The following MREG variants were observed in gnomAD, a reference collection of about 807,000 sequenced individuals.
The protein encoded by MREG is melanoregulin, also known as dilute suppressor protein homolog.
In MREG, 31 loss-of-function variants were observed where a neutral mutation model predicts 28.5. The ratio of observed to expected loss-of-function variants is 1.09; its 90% confidence interval spans 0.82 to 1.47. The LOEUF (loss-of-function observed/expected upper bound fraction) is 1.47, where lower values mean the gene tolerates loss of function less well. MREG is among the 40% of genes most tolerant of loss of function. The probability of loss-of-function intolerance (pLI) is 0.00; values close to 1 mark genes in which losing one functional copy is unlikely to be tolerated. For synonymous variants in MREG, 106 were observed against 95.2 expected (o/e 1.11, Z -0.66); for missense variants, 256 against 257.4 (o/e 0.99, Z 0.04).
At chr2:216,032,486 G>C (rs1395659140) in intron 1 of MREG, among the ~76,000 whole-genome samples, 2 of 152,198 alleles carry the variant, frequency 1.3e-5, no homozygotes, top group African/African-American at 4.8e-5. Context: ...TGACTAACTG[G>C]TAATGCTAAC....
At chr2:216,001,192 C>G (rs1694006285) in intron 1 of MREG, among the ~76,000 whole-genome samples, 1 of 152,212 alleles carries the variant, frequency 6.6e-6, no homozygotes, top group Non-Finnish European at 1.5e-5. Flanking sequence ...AAAACACCAG[C>G]CTCTCGTCCT....
At chr2:215,979,512 T>A (rs1261130659) in intron 2 of MREG, among the ~76,000 whole-genome samples, 1 of 137,644 alleles carries the variant, frequency 7.3e-6, no homozygotes, top group African/African-American at 2.8e-5. Flanking sequence ...ATAATAATAA[T>A]AAAAGGTAAA....
intron 1 of MREG, among the ~76,000 whole-genome samples, chr2:215,998,749 ATTCATTCAT>A (rs137865405): frequency 0.07 from 10,638 of 152,256 alleles, 654 homozygotes; most frequent in East Asian, 0.3. Context: ...AGCATGTCAA[ATTCATTCAT>A]TTCATTCATT....
intron 1 of MREG, among the ~76,000 whole-genome samples, chr2:216,024,396 G>C (rs1694563760): frequency 6.6e-6 from 1 of 151,416 alleles, no homozygotes; most frequent in South Asian, 2.1e-4. Flanking sequence ...AATTAGCCAG[G>C]CATAGATCAC....
At chr2:215,989,332 A>C (rs1286783531) in intron 2 of MREG, among the ~76,000 whole-genome samples, 1 of 152,220 alleles carries the variant, frequency 6.6e-6, no homozygotes, top group Non-Finnish European at 1.5e-5. Flanking sequence ...ACTAACAAAC[A>C]GAAAGGAATA....
intron 2 of MREG, among the ~76,000 whole-genome samples, chr2:215,964,012 G>T (rs1399180322): frequency 6.6e-6 from 1 of 152,110 alleles, no homozygotes; most frequent in Non-Finnish European, 1.5e-5. Flanking sequence ...TCACTTAACT[G>T]ATAGCTACAC....
chr2:215,988,843 A>C (rs1388035001), intron 2 of MREG, among the ~76,000 whole-genome samples: 1 of 152,164 alleles, frequency 6.6e-6, no homozygotes, highest in Non-Finnish European at 1.5e-5. Flanking sequence ...GCCTCTCTAG[A>C]TTCCTCCTCT....
chr2:216,026,798 G>A (rs1449495341), intron 1 of MREG, among the ~76,000 whole-genome samples: 2 of 152,112 alleles, frequency 1.3e-5, no homozygotes, highest in Non-Finnish European at 2.9e-5. Context: ...ATGCTCTACT[G>A]TAAGAACCTT....
rs964803430 is a variant in MREG, at chr2:215,958,251, TATA to T, written c.256-11141_256-11139del. Among the ~76,000 whole-genome samples, 7 of 150,856 alleles carry T rather than the reference TATA, an allele frequency of 4.6e-5. 1 individual carries two copies. Among genetic ancestry groups the T allele is most frequent in the Middle Eastern group, 7.0e-3 (2 of 286 alleles). ...TGCACATGTACCCTAAAACTTAAAG[TATA>T]ATAATAATAAAATAAAAATAAATAA... is the stretch of plus-strand genomic sequence containing the variant. On this transcript the variant is annotated intron_variant, in intron 2 of 4. Coordinates refer to ENST00000263268, the MANE Select transcript of MREG (RefSeq NM_018000.3).
chr2:215,960,948 C>CATGGT (rs1177044182), intron 2 of MREG, among the ~76,000 whole-genome samples: 3 of 152,220 alleles, frequency 2.0e-5, no homozygotes, highest in Admixed American at 2.0e-4. Flanking sequence ...ATCTACCAGG[C>CATGGT]ATGGTATGCA....
intron 2 of MREG, among the ~76,000 whole-genome samples, chr2:215,979,058 T>C (rs1003893921): frequency 1.6e-4 from 24 of 152,226 alleles, no homozygotes; most frequent in African/African-American, 5.8e-4. Context: ...TAGATGTCTT[T>C]GAAATAACAA....
At chr2:216,015,542 T>G (rs1209736126), upstream of MREG, among the ~76,000 whole-genome samples, 1 of 152,152 alleles carries the variant, frequency 6.6e-6, no homozygotes, top group Non-Finnish European at 1.5e-5. Flanking sequence ...GAGAAAATCT[T>G]CAGAGGTTTT....
chr2:215,943,858 A>AAAAAAAC lies in MREG; in HGVS notation c.*1004_*1005insGTTTTTT, dbSNP rs1692246058. 6.3e-6 allele frequency: 1 copy of AAAAAAAC among 158,278 alleles called. No homozygotes were observed. Among genetic ancestry groups the AAAAAAAC allele is most frequent in the Non-Finnish European group, 1.4e-5 (1 of 72,206 alleles). The allele number at this position is 158,278 out of a possible 1,614,324, so 9.8% of individuals were successfully genotyped here. Reference sequence around the variant, plus strand: ...TCCATCAAAAAAAAAAAAAAAAAAAAAAAGAGCGAAAGGCTTTTGGAATAG... The same window carrying AAAAAAAC: ...TCCATCAAAAAAAAAAAAAAAAAAAAAAAAAACAAAGAGCGAAAGGCTTTTGGAATAG... On this transcript the variant is annotated 3_prime_UTR_variant, in exon 5 of 5. Coordinates refer to ENST00000263268, the MANE Select transcript of MREG (RefSeq NM_018000.3).
intron 1 of MREG, among the ~76,000 whole-genome samples, chr2:216,022,950 C>T (rs528182766): frequency 9.6e-4 from 146 of 152,204 alleles, no homozygotes; most frequent in Non-Finnish European, 1.8e-3. Flanking sequence ...GAAAGGCGAC[C>T]GGAGGCTTGC....
chr2:215,975,006 A>G (rs370462698), intron 2 of MREG, among the ~76,000 whole-genome samples: 1 of 90,744 alleles, frequency 1.1e-5, no homozygotes, highest in Non-Finnish European at 2.1e-5. Flanking sequence ...ATTTTATATG[A>G]ATTATATATA....
At chr2:216,008,307 C>T (rs2106030801) in intron 1 of MREG, among the ~76,000 whole-genome samples, 1 of 152,284 alleles carries the variant, frequency 6.6e-6, no homozygotes, top group Admixed American at 6.5e-5. Context: ...TGCTTTGTAT[C>T]TGTGGGCCAT....
chr2:215,974,825 G>T (rs57735267), intron 2 of MREG, among the ~76,000 whole-genome samples: 1 of 126,650 alleles, frequency 7.9e-6, no homozygotes, highest in Non-Finnish European at 1.7e-5. Flanking sequence ...CACACACACA[G>T]ACACACACAC....
chr2:215,947,013 T>A lies in MREG; in HGVS notation c.346+10A>T. 1 of 1,519,502 alleles carries A rather than the reference T, an allele frequency of 6.6e-7. No homozygotes were observed. Among genetic ancestry groups the A allele is most frequent in the Admixed American group, 1.7e-5 (1 of 59,616 alleles). The allele number at this position is 1,519,502 out of a possible 1,614,324, so 94.1% of individuals were successfully genotyped here. ...TATTTTTACCATTTCACAATCTCTT[T>A]TAGACTTACCTAAATCTTCTAAGAT... is the stretch of plus-strand genomic sequence containing the variant. On this transcript the variant is annotated intron_variant, in intron 3 of 4. Transcript: ENST00000263268.
At chr2:215,945,765 A>G (rs372046464) in intron 3 of MREG, 31 bp from the exon 4 acceptor site, 1 of 1,590,298 alleles carries the variant, frequency 6.3e-7, no homozygotes, top group African/African-American at 1.3e-5. Context: ...ACTCATGTAA[A>G]GTAGTCCCAA....
Sources: gnomAD v4.1 joint callset for allele counts (sites outside exome capture counted in the v4.1 genomes callset) on GRCh38, gnomAD v4.1.1 for gene constraint, MANE v1.5 for transcripts, NCBI Gene and HGNC (gene_info 2026-07-23, HGNC 2026-07-21) for gene names.